The following CNTNAP2 variants were observed in gnomAD, a reference collection of about 807,000 sequenced individuals.
The protein encoded by CNTNAP2 is contactin-associated protein-like 2.
In CNTNAP2, 98 loss-of-function variants were observed where a neutral mutation model predicts 155.2. That is an observed-to-expected ratio of 0.63 (90% CI 0.54 to 0.75). The LOEUF is 0.75. CNTNAP2 is among the 30% of genes least tolerant of loss of function. The pLI, the probability that CNTNAP2 is intolerant of heterozygous loss-of-function variation, is 0.00. For synonymous variants in CNTNAP2, 651 were observed against 631.2 expected, an observed-to-expected ratio of 1.03 and a Z score of -0.47; for missense variants, 1,727 against 1,688.1, an observed-to-expected ratio of 1.02 and a Z score of -0.40.
Position 147,264,454 on chromosome 7 carries a change from A to AC in CNTNAP2, c.1349-35687_1349-35686insC, listed in dbSNP as rs1804562097. Among the ~76,000 whole-genome samples the AC allele has an allele frequency of 1.1e-4, 16 of 151,866 alleles. 1 individual carries two copies. Among genetic ancestry groups the AC allele is most frequent in the Admixed American group, 1.0e-3 (16 of 15,270 alleles). On this transcript the variant is annotated intron_variant, in intron 8 of 23. Coordinates refer to ENST00000361727, the MANE Select transcript of CNTNAP2 (RefSeq NM_014141.6). ...AGAGTCTAAGGGGAAGTGGGATAAA[A>AC]TTTCAGGAAGTGAGGGGTTGTGAAT...
intron 11 of CNTNAP2, among the ~76,000 whole-genome samples, chr7:147,493,687 A>AG (rs1798646834): frequency 6.6e-6 from 1 of 152,206 alleles, no homozygotes; most frequent in Non-Finnish European, 1.5e-5. Context: ...TCTAGGAATA[A>AG]ATTCTATGTA....
At chr7:147,236,359 C>A (rs1156735326) in intron 8 of CNTNAP2, among the ~76,000 whole-genome samples, 1 of 152,046 alleles carries the variant, frequency 6.6e-6, no homozygotes, top group Middle Eastern at 3.2e-3. Flanking sequence ...ATAACTGTGC[C>A]TATTCTGCTG....
chr7:148,396,257 C>T (rs529016430), intron 22 of CNTNAP2, among the ~76,000 whole-genome samples: 40 of 152,256 alleles, frequency 2.6e-4, no homozygotes, highest in African/African-American at 9.4e-4. Flanking sequence ...AAAAGGGAGG[C>T]GAGTTGAGCT....
intron 8 of CNTNAP2, among the ~76,000 whole-genome samples, chr7:147,282,976 CCT>C (rs1389887900): frequency 6.6e-6 from 1 of 151,888 alleles, no homozygotes; most frequent in Non-Finnish European, 1.5e-5. Context: ...CCTGAAGTCA[CCT>C]TCAAAAATTT....
At chr7:146,517,227 G>T (rs1056294654) in intron 1 of CNTNAP2, among the ~76,000 whole-genome samples, 6 of 151,872 alleles carry the variant, frequency 4.0e-5, no homozygotes, top group African/African-American at 1.4e-4. Flanking sequence ...TATATATAGG[G>T]TTCTCTACTA....
intron 14 of CNTNAP2, among the ~76,000 whole-genome samples, chr7:147,970,553 A>G (rs190381228): frequency 2.6e-5 from 4 of 152,246 alleles, no homozygotes; most frequent in South Asian, 2.1e-4. Flanking sequence ...GTGAAACCCC[A>G]TTTAAAAACA....
intron 13 of CNTNAP2, among the ~76,000 whole-genome samples, chr7:147,692,380 A>AT (rs1260780805): frequency 2.4e-4 from 37 of 152,040 alleles, no homozygotes; most frequent in Non-Finnish European, 7.4e-5. Flanking sequence ...AAACAACACT[A>AT]TTGCTGTATC....
In CNTNAP2 at chr7:148,334,643, G is replaced by A. The variant is rs762707919; in HGVS notation, c.3476-49006G>A. Among the ~76,000 whole-genome samples, 8 of 152,162 alleles carry A rather than the reference G, an allele frequency of 5.3e-5. No homozygotes were observed. The East Asian group carries it at 5.8e-4, about 11-fold the overall frequency. ...TGCACTAGCTGCTTTAGTTGTGACCGCAGAAAGCACCCTGCCCCAGCATGG... is the reference window on the plus strand; with the variant it reads ...TGCACTAGCTGCTTTAGTTGTGACCACAGAAAGCACCCTGCCCCAGCATGG... On this transcript the variant is annotated intron_variant, in intron 21 of 23. Transcript: ENST00000361727.
intron 1 of CNTNAP2, among the ~76,000 whole-genome samples, chr7:146,162,875 G>GAAAC (rs1432852261): frequency 2.0e-5 from 3 of 152,170 alleles, no homozygotes; most frequent in Non-Finnish European, 4.4e-5. Context: ...GATGAAGCTG[G>GAAAC]AAACCATCGT....
At chr7:147,866,134 A>G (rs370564708) in intron 13 of CNTNAP2, among the ~76,000 whole-genome samples, 2 of 152,088 alleles carry the variant, frequency 1.3e-5, no homozygotes, top group East Asian at 3.9e-4. Context: ...CTTTGTTCTC[A>G]TTGGTTTCAA....
At position 147,629,406 on chromosome 7, in the gene CNTNAP2, AAATAATAATAATAATAATAAT is replaced by A. The variant is rs56977512; in HGVS notation, c.1898-9677_1898-9657del. Among the ~76,000 whole-genome samples the A allele has an allele frequency of 8.5e-5, 12 of 140,946 alleles. 1 individual carries two copies. In the Middle Eastern group the frequency reaches 0.011, roughly 129 times the overall value. 92.5% of individuals were successfully genotyped at this position (140,946 alleles called of 152,430 possible). The stretch of plus-strand genomic sequence containing the variant: ...CAACAAGAGCAAAACTCTGTCTCAA[AAATAATAATAATAATAATAAT>A]AATAATAATAATAATAATAATAGAC... On this transcript the variant is annotated intron_variant, in intron 12 of 23. Coordinates refer to ENST00000361727, the MANE Select transcript of CNTNAP2 (RefSeq NM_014141.6).
At chr7:147,775,150 G>A (rs985218270) in intron 13 of CNTNAP2, among the ~76,000 whole-genome samples, 4 of 146,098 alleles carry the variant, frequency 2.7e-5, no homozygotes, top group African/African-American at 1.0e-4. Flanking sequence ...GTATTTAACT[G>A]ATTTTTTTCA....
chr7:147,043,859 T>G (rs1799304568), intron 3 of CNTNAP2, 48 bp from the exon 4 acceptor site: 1 of 1,607,010 alleles, frequency 6.2e-7, no homozygotes, highest in Non-Finnish European at 8.5e-7. Flanking sequence ...GACATGATTG[T>G]TTCTAAAGTA....
intron 4 of CNTNAP2, among the ~76,000 whole-genome samples, chr7:147,071,832 G>A (rs1799897912): frequency 6.6e-6 from 1 of 152,120 alleles, no homozygotes; most frequent in East Asian, 1.9e-4. Context: ...GAGAGTTCTG[G>A]CCATCTGTAT....
chr7:147,095,009 C>A (rs1225216508), intron 4 of CNTNAP2, among the ~76,000 whole-genome samples: 1 of 151,482 alleles, frequency 6.6e-6, no homozygotes, highest in African/African-American at 2.4e-5. Context: ...CTTTCTGGGG[C>A]AACTTTATTT....
intron 15 of CNTNAP2, among the ~76,000 whole-genome samples, chr7:148,024,343 C>T (rs1454969354): frequency 6.6e-6 from 1 of 152,002 alleles, no homozygotes; most frequent in African/African-American, 2.4e-5. Context: ...CATTGTTCTC[C>T]TCCCTATCTC....
At chr7:147,643,214 C>G (rs1795313003) in intron 13 of CNTNAP2, among the ~76,000 whole-genome samples, 1 of 152,166 alleles carries the variant, frequency 6.6e-6, no homozygotes, top group Non-Finnish European at 1.5e-5. Flanking sequence ...AATATTAGGG[C>G]TTGTCTGACC....
intron 11 of CNTNAP2, among the ~76,000 whole-genome samples, chr7:147,522,489 G>T (rs944468369): frequency 2.6e-5 from 4 of 151,822 alleles, no homozygotes; most frequent in Admixed American, 2.6e-4. Context: ...ATTTTCATAT[G>T]TAATATTTAG....
chr7:148,248,594 T>C (rs983154571), intron 20 of CNTNAP2, among the ~76,000 whole-genome samples: 1 of 152,222 alleles, frequency 6.6e-6, no homozygotes, highest in African/African-American at 2.4e-5. Context: ...GTGGTTGTTT[T>C]TTTAATTGCT....
Sources: allele counts gnomAD v4.1 joint callset (sites outside exome capture counted in the v4.1 genomes callset), GRCh38; gene constraint gnomAD v4.1.1; transcripts MANE v1.5; gene names NCBI Gene and HGNC (gene_info 2026-07-23, HGNC 2026-07-21).